Variants in CTNNA2 observed in about 807,000 individuals in gnomAD.
CTNNA2 encodes the protein catenin alpha-2.
In CTNNA2, 42 loss-of-function variants were observed where a neutral mutation model predicts 101.0. The ratio of observed to expected loss-of-function variants is 0.42; its 90% CI spans 0.32 to 0.54. The LOEUF is 0.54. Among genes scored for constraint, CTNNA2 ranks in the 20% least tolerant of loss-of-function variants. The pLI is 0.14. For missense variants in CTNNA2, 871 were observed against 1,223.1 expected (o/e 0.71, Z 4.29); for synonymous variants, 450 against 456.4 (o/e 0.99, Z 0.18).
chr2:80,009,356 C>CT (rs1693604217), intron 7 of CTNNA2, among the ~76,000 whole-genome samples: 1 of 152,168 alleles, frequency 6.6e-6, no homozygotes, highest in Admixed American at 6.6e-5. Context: ...TGCCATTTCT[C>CT]TTCTGAAGCC....
intron 7 of CTNNA2, among the ~76,000 whole-genome samples, chr2:80,349,561 T>G (rs1360764798): frequency 2.0e-5 from 3 of 152,178 alleles, no homozygotes; most frequent in African/African-American, 7.2e-5. Flanking sequence ...CCTTCCTTTT[T>G]TTTTCCTGTT....
intron 3 of CTNNA2, among the ~76,000 whole-genome samples, chr2:79,757,213 C>T (rs1361446811): frequency 6.6e-6 from 1 of 152,126 alleles, no homozygotes; most frequent in Non-Finnish European, 1.5e-5. Context: ...TTATTTGTCA[C>T]AATTAATAAA....
chr2:80,266,076 A>G (rs1672979351), intron 7 of CTNNA2, among the ~76,000 whole-genome samples: 1 of 152,216 alleles, frequency 6.6e-6, no homozygotes, highest in Non-Finnish European at 1.5e-5. Context: ...GAGAAATTAC[A>G]GCATTGAAGT....
chr2:80,525,366 A>C (rs1408208311), intron 9 of CTNNA2, among the ~76,000 whole-genome samples: 1 of 151,896 alleles, frequency 6.6e-6, no homozygotes, highest in Non-Finnish European at 1.5e-5. Context: ...GGCCTCTTTC[A>C]ATCTGAATGA....
At chr2:80,340,927 G>A (rs908922237) in intron 7 of CTNNA2, among the ~76,000 whole-genome samples, 17 of 151,984 alleles carry the variant, frequency 1.1e-4, no homozygotes, top group Admixed American at 3.3e-4. Flanking sequence ...CCTCAGATTC[G>A]GTAATTAGCT....
intron 13 of CTNNA2, 62 bp from the exon 14 acceptor site, chr2:80,581,642 AGT>A: frequency 3.0e-6 from 3 of 1,004,094 alleles, no homozygotes; most frequent in Non-Finnish European, 4.8e-6. Flanking sequence ...TTTGCAATGA[AGT>A]GTGTGGATGG....
At chr2:79,517,457 C>T (rs375508865) in intron 1 of CTNNA2, among the ~76,000 whole-genome samples, 27 of 152,064 alleles carry the variant, frequency 1.8e-4, no homozygotes, top group African/African-American at 6.3e-4. Context: ...ATATATTAGT[C>T]ATAAACACAA....
chr2:79,355,400 T>C (rs1270683301), intron 3 of CTNNA2, among the ~76,000 whole-genome samples: 1 of 152,202 alleles, frequency 6.6e-6, no homozygotes, highest in Non-Finnish European at 1.5e-5. Context: ...CTACAATTTC[T>C]TTCATCAGCA....
At chr2:79,932,238 T>G (rs888982011) in intron 7 of CTNNA2, among the ~76,000 whole-genome samples, 58 of 151,950 alleles carry the variant, frequency 3.8e-4, no homozygotes, top group African/African-American at 1.4e-3. Flanking sequence ...TCCCTTTCTC[T>G]GAAAAAACAA....
chr2:79,455,744 C>G (rs1670814350), intron 4 of CTNNA2, among the ~76,000 whole-genome samples: 1 of 152,152 alleles, frequency 6.6e-6, no homozygotes, highest in Non-Finnish European at 1.5e-5. Context: ...CTGTCCATTT[C>G]CTTAGTATGG....
At position 80,589,905 on chromosome 2, in the gene CTNNA2, T is replaced by TGTGC. The variant is rs1491383706; in HGVS notation, c.2189+421_2189+422insTGCG. 3.6e-3 allele frequency among the ~76,000 whole-genome samples: 408 copies of TGTGC among 114,510 alleles called. 3 individuals are homozygous for TGTGC. Among genetic ancestry groups the TGTGC allele is most frequent in the African/African-American group, 0.012 (377 of 32,246 alleles). 75.1% of individuals were successfully genotyped at this position (114,510 alleles called of 152,430 possible). On this transcript the variant is annotated intron_variant, in intron 15 of 18. Coordinates refer to ENST00000402739, the MANE Select transcript of CTNNA2 (RefSeq NM_001282597.3). The stretch of plus-strand genomic sequence containing the variant: ...GTGTGTGTGTGTGTGTGTGTGTGTG[T>TGTGC]GCGCGCGCGCGCATGTATACATATA...
At position 80,117,455 on chromosome 2, in the gene CTNNA2, A is replaced by AGTGTGTGTGTGTGTGT. The variant is rs59521287; in HGVS notation, c.1056+207675_1056+207690dup. 4.4e-3 allele frequency among the ~76,000 whole-genome samples: 648 copies of AGTGTGTGTGTGTGTGT among 145,980 alleles called. 3 individuals are homozygous for AGTGTGTGTGTGTGTGT. The highest frequency in any genetic ancestry group is 0.014 in the Middle Eastern group (4 of 288). ...ATTCAGCATAGATGGTTCCTGTGTG[A>AGTGTGTGTGTGTGTGT]GTGTGTGTGTGTGTGTGTGTGTGTG... On this transcript the variant is annotated intron_variant, in intron 7 of 18. Coordinates refer to ENST00000402739, the MANE Select transcript of CTNNA2 (RefSeq NM_001282597.3).
intron 3 of CTNNA2, among the ~76,000 whole-genome samples, chr2:79,848,000 T>C (rs1474947534): frequency 1.3e-5 from 2 of 152,172 alleles, no homozygotes; most frequent in African/African-American, 4.8e-5. Context: ...TGCGTTTTGA[T>C]TTGTGTCATG....
intron 7 of CTNNA2, among the ~76,000 whole-genome samples, chr2:80,275,863 T>C (rs1351843144): frequency 6.6e-6 from 1 of 152,214 alleles, no homozygotes; most frequent in African/African-American, 2.4e-5. Flanking sequence ...ATTTACTTAA[T>C]GACATATTAT....
intron 1 of CTNNA2, among the ~76,000 whole-genome samples, chr2:79,539,781 G>A (rs1673297372): frequency 6.6e-6 from 1 of 152,082 alleles, no homozygotes; most frequent in South Asian, 2.1e-4. Flanking sequence ...CAATAAATGA[G>A]GCTGACCACA....
intron 7 of CTNNA2, among the ~76,000 whole-genome samples, chr2:80,219,271 T>C (rs1415735473): frequency 6.6e-6 from 1 of 152,232 alleles, no homozygotes; most frequent in Non-Finnish European, 1.5e-5. Flanking sequence ...AGTATCCCAC[T>C]ATATTCCCAG....
intron 3 of CTNNA2, among the ~76,000 whole-genome samples, chr2:79,818,843 A>ATATATATATATATATATATATATT: frequency 7.3e-6 from 1 of 136,358 alleles, no homozygotes; most frequent in Non-Finnish European, 1.6e-5. Context: ...ATATATATAT[A>ATATATATATATATATATATATATT]TATATGGATG....
At chr2:80,513,463 A>G (rs1688869885) in intron 9 of CTNNA2, among the ~76,000 whole-genome samples, 1 of 152,246 alleles carries the variant, frequency 6.6e-6, no homozygotes, top group African/African-American at 2.4e-5. Flanking sequence ...TGGATACCAT[A>G]TCAGTTTTAG....
chr2:79,268,365 C>G (rs1332532063), intron 2 of CTNNA2, among the ~76,000 whole-genome samples: 1 of 152,058 alleles, frequency 6.6e-6, no homozygotes, highest in Non-Finnish European at 1.5e-5. Flanking sequence ...GATGGCACAC[C>G]CCATGGAGAA....
Sources: allele counts gnomAD v4.1 joint callset (sites outside exome capture counted in the v4.1 genomes callset), GRCh38; gene constraint gnomAD v4.1.1; transcripts MANE v1.5; gene names NCBI Gene and HGNC (gene_info 2026-07-23, HGNC 2026-07-21).